ACOT7: variants seen among roughly 807,000 people sequenced by gnomAD.
ACOT7 encodes the protein cytosolic acyl coenzyme A thioester hydrolase.
A neutral mutation model predicts 40.2 loss-of-function variants in ACOT7; 12 were observed. That is an observed-to-expected ratio of 0.30 (90% CI 0.19 to 0.48). The LOEUF (loss-of-function observed/expected upper bound fraction) is 0.48, where lower values mean the gene tolerates loss of function less well. Among genes scored for constraint, ACOT7 ranks in the 20% least tolerant of loss-of-function variants. The pLI is 0.99. For missense variants in ACOT7, 395 were observed against 530.8 expected, an observed-to-expected ratio of 0.74 and a Z score of 2.51; for synonymous variants, 228 against 219.5, an observed-to-expected ratio of 1.04 and a Z score of -0.34.
chr1:6,318,316 A>G (rs1316200517), intron 6 of ACOT7, among the ~76,000 whole-genome samples, 176 bp downstream of exon 6: 3 of 152,212 alleles, frequency 2.0e-5, no homozygotes, highest in Admixed American at 6.5e-5. Flanking sequence ...TCCATCTCCC[A>G]AAGTGCTGGG....
At chr1:6,327,468 G>T (rs6577571) in intron 4 of ACOT7, 55 bp from the exon 5 acceptor site, 1 of 1,552,836 alleles carries the variant, frequency 6.4e-7, no homozygotes, top group Non-Finnish European at 8.8e-7. Context: ...TCCTCCCCTC[G>T]CTGGGCGGCC....
At chr1:6,305,272 G>T (rs1374683381) in intron 6 of ACOT7, among the ~76,000 whole-genome samples, 2 of 147,168 alleles carry the variant, frequency 1.4e-5, no homozygotes, top group African/African-American at 2.5e-5. Flanking sequence ...CTCCCTCCCG[G>T]ACGGGGCGGC....
chr1:6,291,506 G>A (rs1639662903), intron 7 of ACOT7, among the ~76,000 whole-genome samples: 1 of 152,224 alleles, frequency 6.6e-6, no homozygotes, highest in Non-Finnish European at 1.5e-5. Flanking sequence ...GGGGCGAACA[G>A]ATGTCTGTTG....
At chr1:6,388,391 G>A (rs1027519947) in intron 1 of ACOT7, among the ~76,000 whole-genome samples, 1 of 151,830 alleles carries the variant, frequency 6.6e-6, no homozygotes, top group Admixed American at 6.6e-5. Context: ...TTACAGGCGT[G>A]AGCCACAGCG....
At chr1:6,298,813 G>A (rs772395841) in intron 6 of ACOT7, among the ~76,000 whole-genome samples, 1 of 152,214 alleles carries the variant, frequency 6.6e-6, no homozygotes, top group Non-Finnish European at 1.5e-5. Flanking sequence ...AGGACGGTTG[G>A]GCCAGGTCCC....
intron 1 of ACOT7, among the ~76,000 whole-genome samples, chr1:6,354,467 T>C (rs1400756603): frequency 6.6e-6 from 1 of 152,226 alleles, no homozygotes; most frequent in African/African-American, 2.4e-5. Flanking sequence ...AGCGATGTCC[T>C]GAGACAGGGA....
At chr1:6,342,396 G>A (rs1363132634) in intron 2 of ACOT7, among the ~76,000 whole-genome samples, 1 of 152,142 alleles carries the variant, frequency 6.6e-6, no homozygotes, top group Non-Finnish European at 1.5e-5. Flanking sequence ...GACGGTGGCT[G>A]TGTCTGAAAG....
At chr1:6,375,003 C>G (rs112534441) in intron 1 of ACOT7, among the ~76,000 whole-genome samples, 1 of 152,064 alleles carries the variant, frequency 6.6e-6, no homozygotes, top group Non-Finnish European at 1.5e-5. Flanking sequence ...ACAGGCCGGG[C>G]GCGGTGGCTC....
rs577801293 is a variant in ACOT7, at chr1:6,378,360, G to A, written c.143+14897C>T. Among the ~76,000 whole-genome samples, 47 of 151,998 alleles carry A rather than the reference G, an allele frequency of 3.1e-4. No homozygotes were observed. In the South Asian group the frequency reaches 9.5e-3, roughly 31 times the overall value. On this transcript the variant is annotated intron_variant, in intron 1 of 8. Transcript: ENST00000361521. ...CCCCAGTGATACATTTTACAGCAAA[G>A]CACACAGACCACGGGCCTTCCCAGG...
chr1:6,364,654 C>A (rs1557669019), intron 1 of ACOT7, among the ~76,000 whole-genome samples: 1 of 151,484 alleles, frequency 6.6e-6, no homozygotes, highest in African/African-American at 2.4e-5. Context: ...TCGAGACTAT[C>A]CTGGCCAACA....
At chr1:6,308,845 G>A (rs1042668721) in intron 6 of ACOT7, among the ~76,000 whole-genome samples, 6 of 152,234 alleles carry the variant, frequency 3.9e-5, no homozygotes, top group Admixed American at 1.3e-4. Context: ...AACAGCGACC[G>A]GACAGAGGGC....
chr1:6,385,536 G>C lies in ACOT7; in HGVS notation c.143+7721C>G, dbSNP rs369930242. The C allele has an allele frequency of 5.3e-5, 86 of 1,612,118 alleles. 1 individual carries two copies. The highest frequency in any genetic ancestry group is 6.7e-5 in the Non-Finnish European group (79 of 1,179,214). On this transcript the variant is annotated intron_variant, in intron 1 of 8. Coordinates refer to ENST00000361521, the MANE Select transcript of ACOT7 (RefSeq NM_007274.4). ...TCCACAGGGTGGGAGATCAGCCCTG[G>C]GCCCAACCACCTGGACGGGAGCGCA... is the stretch of plus-strand genomic sequence containing the variant.
At position 6,291,515 on chromosome 1, in the gene ACOT7, T is replaced by C. The variant is rs914543288; in HGVS notation, c.829+3349A>G. Among the ~76,000 whole-genome samples the C allele has an allele frequency of 9.2e-5, 14 of 152,296 alleles. No homozygotes were observed. In the South Asian group the frequency reaches 1.0e-3, roughly 11 times the overall value. ...GAACTGGGGGCGAACAGATGTCTGT[T>C]GTTCTGAGCCCACCAGAAAGCAATG... is the stretch of plus-strand genomic sequence containing the variant. On this transcript the variant is annotated intron_variant, in intron 7 of 8. Transcript: ENST00000361521.
rs149107162 is a variant in ACOT7, at chr1:6,337,529, C to G, written c.418+1904G>C. On this transcript the variant is annotated intron_variant, in intron 3 of 8. Coordinates refer to ENST00000361521, the MANE Select transcript of ACOT7 (RefSeq NM_007274.4). Reference sequence around the variant, plus strand: ...ATCTATTATGGGCCAGCAGAAGCGGCCAGGAAAGGGAAGTTCAGGATCTAG... The same window carrying G: ...ATCTATTATGGGCCAGCAGAAGCGGGCAGGAAAGGGAAGTTCAGGATCTAG... Among the ~76,000 whole-genome samples, 784 of 152,300 alleles carry G rather than the reference C, an allele frequency of 5.1e-3. 11 individuals are homozygous for G. The highest frequency in any genetic ancestry group is 0.018 in the African/African-American group (735 of 41,564).
chr1:6,393,587 G>A lies in ACOT7; in HGVS notation c.-188C>T. 2.4e-6 allele frequency: 1 copy of A among 419,542 alleles called. No individual in the cohort carries two copies. Among genetic ancestry groups the A allele is most frequent in the Non-Finnish European group, 3.8e-6 (1 of 265,354 alleles). 26.0% of individuals were successfully genotyped at this position (419,542 alleles called of 1,614,324 possible). On this transcript the variant is annotated 5_prime_UTR_variant, in exon 1 of 9. Coordinates refer to ENST00000361521, the MANE Select transcript of ACOT7 (RefSeq NM_007274.4). ...ACGATTCTGGCGGCGTGGGGGCCCAGGCAGCCGCCGCTTCCAGAAGGTTCG... is the reference window on the plus strand; with the variant it reads ...ACGATTCTGGCGGCGTGGGGGCCCAAGCAGCCGCCGCTTCCAGAAGGTTCG...
intron 7 of ACOT7, among the ~76,000 whole-genome samples, chr1:6,287,028 T>C (rs965519811): frequency 1.3e-5 from 2 of 152,216 alleles, no homozygotes; most frequent in Non-Finnish European, 2.9e-5. Flanking sequence ...CCTCGTGATC[T>C]GCCTGCCTCG....
chr1:6,341,682 C>A (rs1355847005), intron 2 of ACOT7, among the ~76,000 whole-genome samples: 1 of 152,096 alleles, frequency 6.6e-6, no homozygotes, highest in Non-Finnish European at 1.5e-5. Context: ...GCGGAGCTTG[C>A]AGTGAGCCAA....
Position 6,327,474 on chromosome 1 carries a change from C to T in ACOT7, c.511-61G>A, listed in dbSNP as rs138919184. On this transcript the variant is annotated intron_variant, in intron 4 of 8. Transcript: ENST00000361521. ...GACACGGCCTCCTCCCCTCGCTGGG[C>T]GGCCATGATCCCAGGCCCTTATAGC... The T allele has an allele frequency of 4.0e-5, 60 of 1,508,272 alleles. No homozygotes were observed. The East Asian group carries it at 1.0e-3, about 26-fold the overall frequency. The allele number at this position is 1,508,272 out of a possible 1,614,324, so 93.4% of individuals were successfully genotyped here.
chr1:6,346,535 G>A (rs1641427658), intron 2 of ACOT7, among the ~76,000 whole-genome samples: 1 of 152,242 alleles, frequency 6.6e-6, no homozygotes, highest in Non-Finnish European at 1.5e-5. Flanking sequence ...AGAGATGTAG[G>A]AGGTGAGGTC....
Sources: allele counts gnomAD v4.1 joint callset (sites outside exome capture counted in the v4.1 genomes callset), GRCh38; gene constraint gnomAD v4.1.1; transcripts MANE v1.5; gene names NCBI Gene and HGNC (gene_info 2026-07-23, HGNC 2026-07-21).